The following IFIT1 variants were observed in gnomAD, a reference collection of about 807,000 sequenced individuals.
IFIT1 encodes the protein antiviral innate immune response effector IFIT1.
Under a neutral mutation model 2.5 loss-of-function variants are expected in IFIT1, and 1 was observed. That is an observed-to-expected ratio of 0.40 (90% CI 0.14 to 1.92). IFIT1 has a LOEUF of 1.92. Ranked by LOEUF, IFIT1 falls within the 40% of genes most tolerant of loss-of-function variation. IFIT1 has a pLI of 0.31. For synonymous variants in IFIT1, 191 were observed against 201.7 expected (o/e 0.95, Z 0.45); for missense variants, 508 against 557.8 (o/e 0.91, Z 0.90).
intron 1 of IFIT1, among the ~76,000 whole-genome samples, chr10:89,394,629 A>AT (rs1429080862): frequency 0.023 from 589 of 26,144 alleles, 89 homozygotes; most frequent in African/African-American, 0.094. Flanking sequence ...TATATATATA[A>AT]AACTTGAATT....
At chr10:89,398,337 A>G (rs556352805) in intron 1 of IFIT1, among the ~76,000 whole-genome samples, 1 of 152,366 alleles carries the variant, frequency 6.6e-6, no homozygotes, top group East Asian at 1.9e-4. Flanking sequence ...CTGAAAGGGG[A>G]ACAATAAATG....
intron 1 of IFIT1, among the ~76,000 whole-genome samples, chr10:89,398,602 G>C (rs1195634948): frequency 6.6e-6 from 1 of 152,132 alleles, no homozygotes; most frequent in Non-Finnish European, 1.5e-5. Flanking sequence ...CCTACTCTAG[G>C]TAGCTTATAT....
At position 89,402,835 on chromosome 10, in the gene IFIT1, G is replaced by T; in HGVS notation, c.560G>T (p.Arg187Leu). 6.2e-7 allele frequency: 1 copy of T among 1,614,142 alleles called. No homozygotes were observed. Among genetic ancestry groups the T allele is most frequent in the South Asian group, 1.1e-5 (1 of 91,080 alleles). Reference sequence around the variant, plus strand: ...GCTGGGTATGCGATCTCTGCCTATCGCCTGGATGGCTTTAAATTAGCCACA... The same window carrying T: ...GCTGGGTATGCGATCTCTGCCTATCTCCTGGATGGCTTTAAATTAGCCACA... ...SSAGYAISAY[R>L]LDGFKLATKN... The change falls in exon 2 of 2, where the codon CGC (arginine) becomes CTC (leucine). Residue 187 changes from arginine to leucine, a missense_variant. Arg to Leu is a moderately radical substitution (Grantham distance 102). Transcript: ENST00000371804.
In IFIT1 at chr10:89,402,318, G is replaced by C. The variant is rs181412791; in HGVS notation, c.43G>C (p.Glu15Gln). The change falls in exon 2 of 2, where the codon GAG becomes CAG. Residue 15 changes from glutamate (E) to glutamine (Q), a missense_variant. By Grantham distance (29) the Glu-to-Gln change is conservative. Transcript: ENST00000371804. The stretch of plus-strand genomic sequence containing the variant: ...TGATCATCAGGTCAAGGATAGTCTG[G>C]AGCAATTGAGATGTCACTTTACATG... ...GDDHQVKDSL[E>Q]QLRCHFTWEL... 2.8e-4 allele frequency: 454 copies of C among 1,613,764 alleles called. 1 individual carries two copies. Among genetic ancestry groups the C allele is most frequent in the Non-Finnish European group, 2.9e-4 (348 of 1,179,784 alleles).
intron 1 of IFIT1, among the ~76,000 whole-genome samples, chr10:89,400,765 C>G (rs1311291474): frequency 6.6e-6 from 1 of 152,134 alleles, no homozygotes; most frequent in Admixed American, 6.5e-5. Flanking sequence ...CTTTTTCATT[C>G]CTAATTGCTC....
At chr10:89,394,358 A>G (rs1303996164) in intron 1 of IFIT1, among the ~76,000 whole-genome samples, 1 of 152,124 alleles carries the variant, frequency 6.6e-6, no homozygotes, top group Non-Finnish European at 1.5e-5. Context: ...TTTTACAATA[A>G]GGAATCTTAG....
At position 89,403,138 on chromosome 10, in the gene IFIT1, A is replaced by G. The variant is rs573747158; in HGVS notation, c.863A>G (p.His288Arg). 8 of 1,614,134 alleles carry G rather than the reference A, an allele frequency of 5.0e-6. No homozygotes were observed. The African/African-American group carries it at 6.7e-5, about 13-fold the overall frequency. ...GAAACACCCACTTCTGTCTTACTGCATCACCAGATAGGGCTTTGCTACAAG... is the reference window on the plus strand; with the variant it reads ...GAAACACCCACTTCTGTCTTACTGCGTCACCAGATAGGGCTTTGCTACAAG... ...LQETPTSVLL[H>R]HQIGLCYKAQ... is the part of the protein sequence containing the mutation. Residue 288 changes from histidine to arginine, a missense_variant, in exon 2 of 2, where the codon CAT (histidine) becomes CGT (arginine). By Grantham distance (29) the His-to-Arg change is conservative. Transcript: ENST00000371804.
chr10:89,397,528 T>C (rs1341885866), intron 1 of IFIT1, among the ~76,000 whole-genome samples: 1 of 152,194 alleles, frequency 6.6e-6, no homozygotes, highest in Admixed American at 6.5e-5. Flanking sequence ...CTCTAATGGC[T>C]AGAGGCTTAG....
chr10:89,403,637 T>A lies in IFIT1; in HGVS notation c.1362T>A (p.Asn454Lys). The change falls in exon 2 of 2, where the codon AAT (asparagine) becomes AAA (lysine). Residue 454 changes from asparagine (N) to lysine (K), a missense_variant. Transcript: ENST00000371804. ...GFVYKLEGNM[N>K]EALEYYERAL... ...TCTACAAATTGGAAGGAAATATGAA[T>A]GAAGCCCTGGAGTACTATGAGCGGG... The A allele has an allele frequency of 6.2e-7, 1 of 1,613,816 alleles. No homozygotes were observed. The highest frequency in any genetic ancestry group is 8.5e-7 in the Non-Finnish European group (1 of 1,179,764).
At chr10:89,401,527 G>A (rs774507629) in intron 1 of IFIT1, among the ~76,000 whole-genome samples, 5 of 152,086 alleles carry the variant, frequency 3.3e-5, no homozygotes, top group Non-Finnish European at 5.9e-5. Flanking sequence ...GACCATAAAG[G>A]GGTAATATGA....
Position 89,403,944 on chromosome 10 carries a change from TGTTA to T in IFIT1, c.*237_*240del, listed in dbSNP as rs1012402135. 6 of 388,404 alleles carry T rather than the reference TGTTA, an allele frequency of 1.5e-5. No individual in the cohort carries two copies. The highest frequency in any genetic ancestry group is 8.2e-5 in the South Asian group (1 of 12,182). 24.1% of individuals were successfully genotyped at this position (388,404 alleles called of 1,614,324 possible). ...TGAGTGCTATGTAGTAGAGAAAAAA[TGTTA>T]GTTAACTTTGTAGGAAATAAAACAT... On this transcript the variant is annotated 3_prime_UTR_variant, in exon 2 of 2. Transcript: ENST00000371804.
At position 89,402,768 on chromosome 10, in the gene IFIT1, GA is replaced by G. The variant is rs1369905438; in HGVS notation, c.497del (p.Lys166ArgfsTer28). ...TTATGAACGGGCCAAGGCCTGCTTT[GA>G]AAAGGTGCTTGAAGTGGACCCTGAA... ...KNYERAKACF[E>X]KVLEVDPENP... On this transcript the variant is annotated frameshift_variant, in exon 2 of 2. Coordinates refer to ENST00000371804, the MANE Select transcript of IFIT1 (RefSeq NM_001548.5). LOFTEE classifies it low-confidence loss of function (END_TRUNC). 1 of 1,614,246 alleles carries G rather than the reference GA, an allele frequency of 6.2e-7. No individual in the cohort carries two copies. The highest frequency in any genetic ancestry group is 8.5e-7 in the Non-Finnish European group (1 of 1,180,044).
chr10:89,405,751 T>C lies in IFIT1; in HGVS notation c.*2039T>C, dbSNP rs1213237206. The C allele has an allele frequency of 1.3e-5, 2 of 152,258 alleles. No homozygotes were observed. The highest frequency in any genetic ancestry group is 2.4e-5 in the African/African-American group (1 of 41,444). The allele number at this position is 152,258 out of a possible 1,614,324, so 9.4% of individuals were successfully genotyped here. Reference sequence around the variant, plus strand: ...CTCTGACTCTTTTGCCTCTTTCTTCTAAGGACGCACCAGGTCCACCTGCAT... The same window carrying C: ...CTCTGACTCTTTTGCCTCTTTCTTCCAAGGACGCACCAGGTCCACCTGCAT... On this transcript the variant is annotated 3_prime_UTR_variant, in exon 2 of 2. Transcript: ENST00000371804.
At chr10:89,397,621 C>G (rs1252996116) in intron 1 of IFIT1, among the ~76,000 whole-genome samples, 2 of 152,178 alleles carry the variant, frequency 1.3e-5, no homozygotes, top group Non-Finnish European at 2.9e-5. Flanking sequence ...AGCAAATCTC[C>G]TGCCTTGGCC....
rs1564810663 is a variant in IFIT1, at chr10:89,402,776, G to A, written c.501G>A (p.Val167=). The A allele has an allele frequency of 6.2e-7, 1 of 1,614,214 alleles. No individual in the cohort carries two copies. Among genetic ancestry groups the A allele is most frequent in the Admixed American group, 1.7e-5 (1 of 60,026 alleles). Residue 167 remains valine (V), a synonymous_variant, in exon 2 of 2, where the codon GTG becomes GTA. Transcript: ENST00000371804. ...GGGCCAAGGCCTGCTTTGAAAAGGT[G>A]CTTGAAGTGGACCCTGAAAACCCTG... ...YERAKACFEK[V]LEVDPENPES...
intron 1 of IFIT1, chr10:89,393,104 C>T (rs1844281981): frequency 1.5e-6 from 2 of 1,291,842 alleles, no homozygotes; most frequent in Admixed American, 2.3e-5. Context: ...TTGCTTTCTG[C>T]AGGTTCTTTA....
At chr10:89,400,086 A>AT (rs1443841448) in intron 1 of IFIT1, among the ~76,000 whole-genome samples, 1 of 152,234 alleles carries the variant, frequency 6.6e-6, no homozygotes, top group African/African-American at 2.4e-5. Context: ...ATACAGTCAG[A>AT]TAAGTAAGGG....
rs986064645 is a variant in IFIT1 at position 89,406,014 on chromosome 10, C to T, written c.*2302C>T. 1.3e-5 allele frequency: 2 copies of T among 152,190 alleles called. No homozygotes were observed. Among genetic ancestry groups the T allele is most frequent in the African/African-American group, 4.8e-5 (2 of 41,426 alleles). The allele number at this position is 152,190 out of a possible 1,614,324, so 9.4% of individuals were successfully genotyped here. On this transcript the variant is annotated 3_prime_UTR_variant, in exon 2 of 2. Transcript: ENST00000371804. ...TCCTTCCAGTAGATACTGATTTCAT[C>T]CATTGCCCTTAAGAAGGTAGGACAG...
Position 89,405,687 on chromosome 10 carries a change from ATCTC to A in IFIT1, c.*1983_*1986del, listed in dbSNP as rs1473804296. On this transcript the variant is annotated 3_prime_UTR_variant, in exon 2 of 2. Coordinates refer to ENST00000371804, the MANE Select transcript of IFIT1 (RefSeq NM_001548.5). ...AAAACCAACAGTGTAGTAGCCTCAA[ATCTC>A]TCTCTCTGCTTCCTTCTTCACATCT... is the stretch of plus-strand genomic sequence containing the variant. 1.3e-5 allele frequency: 2 copies of A among 152,078 alleles called. No individual in the cohort carries two copies. Among genetic ancestry groups the A allele is most frequent in the African/African-American group, 2.4e-5 (1 of 41,398 alleles). The allele number at this position is 152,078 out of a possible 1,614,324, so 9.4% of individuals were successfully genotyped here. A position where few individuals can be genotyped will look rare whatever the true frequency, so the allele number is the denominator to read the frequency against.
Sources: gnomAD v4.1 joint callset for allele counts (sites outside exome capture counted in the v4.1 genomes callset) on GRCh38, gnomAD v4.1.1 for gene constraint, MANE v1.5 for transcripts, NCBI Gene and HGNC (gene_info 2026-07-23, HGNC 2026-07-21) for gene names.